Variants in KCNB2 observed in about 807,000 individuals in gnomAD.
The protein encoded by KCNB2 is potassium voltage-gated channel subfamily B member 2.
In KCNB2, 15 loss-of-function variants were observed where a neutral mutation model predicts 61.5. That is an observed-to-expected ratio of 0.24 (90% confidence interval 0.16 to 0.38). KCNB2 has a LOEUF of 0.38. Among genes scored for constraint, KCNB2 ranks in the 10% least tolerant of loss-of-function variants. The pLI, the probability that KCNB2 is intolerant of heterozygous loss-of-function variation, is 1.00. For synonymous variants in KCNB2, 457 were observed against 446.0 expected (o/e 1.02, Z -0.31); for missense variants, 828 against 1,125.2 (o/e 0.74, Z 3.78).
intron 2 of KCNB2, among the ~76,000 whole-genome samples, chr8:72,706,308 A>C (rs1215579266): frequency 6.6e-6 from 1 of 152,230 alleles, no homozygotes; most frequent in Non-Finnish European, 1.5e-5. Flanking sequence ...CTAAATATTG[A>C]TACTTGGTTA....
At chr8:72,660,191 G>T (rs574808291) in intron 2 of KCNB2, among the ~76,000 whole-genome samples, 1 of 152,180 alleles carries the variant, frequency 6.6e-6, no homozygotes, top group Middle Eastern at 3.2e-3. Flanking sequence ...CCTTCAGAAG[G>T]ATGCTTGTTA....
At chr8:72,564,703 A>G (rs536203319) in intron 1 of KCNB2, among the ~76,000 whole-genome samples, 1 of 152,344 alleles carries the variant, frequency 6.6e-6, no homozygotes, top group South Asian at 2.1e-4. Context: ...CGCCAAAGAC[A>G]GATGCTATGA....
At chr8:72,552,764 G>A (rs899525818) in intron 1 of KCNB2, among the ~76,000 whole-genome samples, 12 of 152,128 alleles carry the variant, frequency 7.9e-5, no homozygotes, top group Non-Finnish European at 1.6e-4. Context: ...GGGCATTTCT[G>A]TCTTTAGGCA....
intron 2 of KCNB2, among the ~76,000 whole-genome samples, chr8:72,587,015 A>G (rs936602062): frequency 2.0e-5 from 3 of 152,238 alleles, no homozygotes; most frequent in Non-Finnish European, 4.4e-5. Flanking sequence ...ATTGATAGCA[A>G]AGATGAATCT....
intron 2 of KCNB2, among the ~76,000 whole-genome samples, chr8:72,761,795 C>CAA (rs5892366): frequency 6.6e-6 from 1 of 151,906 alleles, no homozygotes; most frequent in East Asian, 1.9e-4. Flanking sequence ...AATACTGTTA[C>CAA]AAAAAAAGGA....
rs746163733 is a variant in KCNB2 at position 72,938,138 on chromosome 8, C to T, written c.*47C>T. On this transcript the variant is annotated 3_prime_UTR_variant, in exon 3 of 3. Transcript: ENST00000523207. ...TGAAACAAAACAAAACAAAACAAAA[C>T]TTGTTTCTTAAAAATGCGGTTAATA... The T allele has an allele frequency of 2.7e-6, 4 of 1,461,790 alleles. No individual in the cohort carries two copies. The highest frequency in any genetic ancestry group is 3.7e-6 in the Non-Finnish European group (4 of 1,077,620). 90.6% of individuals were successfully genotyped at this position (1,461,790 alleles called of 1,614,324 possible). A position where few individuals can be genotyped will look rare whatever the true frequency, so the allele number is the denominator to read the frequency against.
intron 2 of KCNB2, among the ~76,000 whole-genome samples, chr8:72,628,021 T>G (rs1489531584): frequency 1.3e-5 from 2 of 152,158 alleles, no homozygotes; most frequent in African/African-American, 4.8e-5. Context: ...TGGTGGGATC[T>G]CAGCCCACTG....
chr8:72,839,024 C>G (rs1809832039), intron 2 of KCNB2, among the ~76,000 whole-genome samples: 1 of 152,056 alleles, frequency 6.6e-6, no homozygotes, highest in Non-Finnish European at 1.5e-5. Flanking sequence ...ACAAGGTAAT[C>G]TAACATACAC....
At chr8:72,824,854 C>T (rs917910964) in intron 2 of KCNB2, among the ~76,000 whole-genome samples, 1 of 152,186 alleles carries the variant, frequency 6.6e-6, no homozygotes, top group African/African-American at 2.4e-5. Context: ...CCACTCTCTA[C>T]TCTGCACTCT....
At chr8:72,683,853 A>G (rs993012848) in intron 2 of KCNB2, among the ~76,000 whole-genome samples, 1 of 152,058 alleles carries the variant, frequency 6.6e-6, no homozygotes, top group South Asian at 2.1e-4. Context: ...GAGGAAATTA[A>G]CTCATTAGGA....
At chr8:72,873,035 G>A (rs1021653518) in intron 2 of KCNB2, among the ~76,000 whole-genome samples, 1 of 152,172 alleles carries the variant, frequency 6.6e-6, no homozygotes, top group Non-Finnish European at 1.5e-5. Context: ...ACTCCACTGT[G>A]TGCACCGATG....
At chr8:72,779,762 G>A (rs970870853) in intron 2 of KCNB2, among the ~76,000 whole-genome samples, 7 of 152,120 alleles carry the variant, frequency 4.6e-5, no homozygotes, top group Admixed American at 1.3e-4. Context: ...AAACTGTGGC[G>A]ATTGAATGAT....
At chr8:72,652,062 T>G (rs759067956) in intron 2 of KCNB2, among the ~76,000 whole-genome samples, 1 of 152,114 alleles carries the variant, frequency 6.6e-6, no homozygotes, top group Non-Finnish European at 1.5e-5. Context: ...ATAATCTACT[T>G]TGACCACTTC....
chr8:72,740,386 T>C (rs925252434), intron 2 of KCNB2, among the ~76,000 whole-genome samples: 1 of 152,102 alleles, frequency 6.6e-6, no homozygotes, highest in Non-Finnish European at 1.5e-5. Context: ...AAGATTCAGC[T>C]CTCAACGTAA....
chr8:72,655,617 G>A (rs1806278328), intron 2 of KCNB2, among the ~76,000 whole-genome samples: 2 of 152,030 alleles, frequency 1.3e-5, no homozygotes, highest in South Asian at 2.1e-4. Context: ...GATCTAATAG[G>A]TTCCCCAGAA....
intron 2 of KCNB2, among the ~76,000 whole-genome samples, chr8:72,689,461 A>G (rs542517743): frequency 6.6e-6 from 1 of 152,330 alleles, no homozygotes; most frequent in East Asian, 1.9e-4. Context: ...AATTTTTAGT[A>G]TGTTTGCAGA....
chr8:72,834,754 A>G (rs6472704), intron 2 of KCNB2, among the ~76,000 whole-genome samples: 34,169 of 152,070 alleles, frequency 0.22, 4,226 homozygotes, highest in Non-Finnish European at 0.28. Flanking sequence ...ATGAAGTGAT[A>G]TTCTGCTTGT....
intron 1 of KCNB2, among the ~76,000 whole-genome samples, chr8:72,566,667 G>A (rs1806629608): frequency 6.7e-6 from 1 of 149,874 alleles, no homozygotes; most frequent in African/African-American, 2.5e-5. Context: ...AGATTGTGCA[G>A]TGAGCTGAGA....
chr8:72,755,585 G>A (rs546730828), intron 2 of KCNB2, among the ~76,000 whole-genome samples: 1 of 152,306 alleles, frequency 6.6e-6, no homozygotes, highest in South Asian at 2.1e-4. Flanking sequence ...TGGCAAATAA[G>A]CACATGAAAA....
Sources: gnomAD v4.1 joint callset for allele counts (sites outside exome capture counted in the v4.1 genomes callset) on GRCh38, gnomAD v4.1.1 for gene constraint, MANE v1.5 for transcripts, NCBI Gene and HGNC (gene_info 2026-07-23, HGNC 2026-07-21) for gene names.